The following LARGE1 variants were observed in gnomAD, a reference collection of about 807,000 sequenced individuals.
LARGE1 encodes LARGE xylosyl- and glucuronyltransferase 1.
Under a neutral mutation model 87.6 loss-of-function variants are expected in LARGE1, and 43 were observed. The observed-to-expected ratio is 0.49, with a 90% CI of 0.38 to 0.63. LARGE1 has a LOEUF of 0.63. LARGE1 is among the 30% of genes least tolerant of loss of function. The pLI, the probability that LARGE1 is intolerant of heterozygous loss-of-function variation, is 0.00. For missense variants in LARGE1, 802 were observed against 1,000.2 expected, an observed-to-expected ratio of 0.80 and a Z score of 2.67; for synonymous variants, 434 against 394.6, an observed-to-expected ratio of 1.10 and a Z score of -1.18.
At chr22:33,879,258 G>A (rs573129110) in intron 1 of LARGE1, among the ~76,000 whole-genome samples, 26 of 152,238 alleles carry the variant, frequency 1.7e-4, no homozygotes, top group African/African-American at 5.5e-4. Context: ...GAGCCACCAC[G>A]CCCAGTCTCT....
chr22:33,213,341 G>T (rs910708937), intron 11 of LARGE1, among the ~76,000 whole-genome samples: 1 of 152,146 alleles, frequency 6.6e-6, no homozygotes, highest in Non-Finnish European at 1.5e-5. Context: ...ATGACAACGA[G>T]GTATTTAGAA....
At chr22:33,384,337 A>G in intron 7 of LARGE1, 33 bp from the exon 8 acceptor site, 4 of 1,518,252 alleles carry the variant, frequency 2.6e-6, no homozygotes, top group Non-Finnish European at 3.7e-6. Context: ...AGAGAAAATT[A>G]AAAAATAAAA....
At chr22:33,502,195 TA>T (rs35022342) in intron 6 of LARGE1, among the ~76,000 whole-genome samples, 94,974 of 140,720 alleles carry the variant, frequency 0.67, 31,585 homozygotes, top group Non-Finnish European at 0.7. Context: ...GACCCCATCT[TA>T]AAAAAAAAAA....
the LARGE1 span, among the ~76,000 whole-genome samples, chr22:33,129,179 G>C: frequency 6.6e-6 from 1 of 152,260 alleles, no homozygotes; most frequent in East Asian, 1.9e-4. Flanking sequence ...TTCCATTTAT[G>C]TAACCTAAGA....
chr22:33,519,235 C>CGTGTGTGTGTGT (rs3071590), intron 6 of LARGE1, among the ~76,000 whole-genome samples: 2 of 149,646 alleles, frequency 1.3e-5, no homozygotes, highest in Admixed American at 6.7e-5. Context: ...CGTGCGCGCG[C>CGTGTGTGTGTGT]GTGTGTGTGT....
intron 6 of LARGE1, among the ~76,000 whole-genome samples, chr22:33,458,270 A>G (rs1447025785): frequency 6.6e-6 from 1 of 151,082 alleles, no homozygotes; most frequent in Non-Finnish European, 1.5e-5. Context: ...ACGCTCGGCT[A>G]ATTTTTTGTA....
At chr22:33,168,856 C>T (rs936979567) in intron 11 of LARGE1, among the ~76,000 whole-genome samples, 2 of 152,118 alleles carry the variant, frequency 1.3e-5, no homozygotes, top group African/African-American at 4.8e-5. Flanking sequence ...GACTGTTTTA[C>T]AAGAAGATAT....
chr22:33,603,413 T>C (rs958123474), intron 5 of LARGE1, among the ~76,000 whole-genome samples: 2 of 152,216 alleles, frequency 1.3e-5, no homozygotes, highest in African/African-American at 4.8e-5. Flanking sequence ...GTACCTACTA[T>C]GCACCAGAAA....
chr22:33,147,218 A>G, the LARGE1 span, among the ~76,000 whole-genome samples: 1 of 152,202 alleles, frequency 6.6e-6, no homozygotes, highest in South Asian at 2.1e-4. Flanking sequence ...TACATTATTG[A>G]TTATGCCTTT....
chr22:33,585,491 CCT>C (rs999436686), intron 5 of LARGE1, among the ~76,000 whole-genome samples: 10 of 152,090 alleles, frequency 6.6e-5, no homozygotes, highest in African/African-American at 2.4e-4. Flanking sequence ...GAGAAGATTC[CCT>C]GTTTGGTAAT....
At chr22:33,248,811 G>A (rs187667229) in intron 11 of LARGE1, among the ~76,000 whole-genome samples, 206 of 152,266 alleles carry the variant, frequency 1.4e-3, no homozygotes, top group Admixed American at 2.5e-3. Context: ...ACAGTGCACA[G>A]GCTTTTCAGA....
At chr22:33,528,324 C>T (rs1361365916) in intron 6 of LARGE1, among the ~76,000 whole-genome samples, 3 of 152,124 alleles carry the variant, frequency 2.0e-5, no homozygotes, top group African/African-American at 7.2e-5. Context: ...GAAACAGACA[C>T]TTCACCAGAG....
At chr22:33,798,729 T>C (rs368437313) in intron 1 of LARGE1, among the ~76,000 whole-genome samples, 36 of 152,300 alleles carry the variant, frequency 2.4e-4, no homozygotes, top group African/African-American at 7.9e-4. Context: ...TGGAAGAATA[T>C]GCACAAAGAA....
the LARGE1 span, among the ~76,000 whole-genome samples, chr22:33,120,274 C>A: frequency 6.6e-6 from 1 of 152,020 alleles, no homozygotes; most frequent in Non-Finnish European, 1.5e-5. Context: ...AAAAGTAAGT[C>A]TTTGGCTACC....
chr22:33,789,190 G>A (rs569461864), intron 1 of LARGE1, among the ~76,000 whole-genome samples: 26 of 152,304 alleles, frequency 1.7e-4, no homozygotes, highest in African/African-American at 5.3e-4. Flanking sequence ...TGTCCCAGCC[G>A]TGGCTAAAAG....
At chr22:33,168,600 C>T (rs968453482) in intron 11 of LARGE1, among the ~76,000 whole-genome samples, 3 of 152,208 alleles carry the variant, frequency 2.0e-5, no homozygotes, top group Admixed American at 6.5e-5. Flanking sequence ...ATGTTAGTTA[C>T]TGTTTAACAT....
intron 1 of LARGE1, among the ~76,000 whole-genome samples, chr22:33,887,895 A>T (rs1470273756): frequency 6.6e-6 from 1 of 152,240 alleles, no homozygotes; most frequent in Non-Finnish European, 1.5e-5. Flanking sequence ...CGCCAATACA[A>T]GTTTCAGTGA....
At chr22:33,324,276 AAAAAGCCAAAAACAAACAACCCCCCCCCC>A (rs1569056228) in intron 10 of LARGE1, among the ~76,000 whole-genome samples, 4,057 of 132,028 alleles carry the variant, frequency 0.031, 219 homozygotes, top group African/African-American at 0.11. Context: ...AAACAAAAAC[AAAAAGCCAAAAACAAACAACCCCCCCCCC>A]AAAACAAACA....
intron 4 of LARGE1, among the ~76,000 whole-genome samples, chr22:33,618,652 C>G (rs1043399972): frequency 2.6e-5 from 4 of 152,204 alleles, no homozygotes; most frequent in East Asian, 3.9e-4. Flanking sequence ...TGTATTGATT[C>G]TACACTTAAC....
Sources: allele counts gnomAD v4.1 joint callset (sites outside exome capture counted in the v4.1 genomes callset), GRCh38; gene constraint gnomAD v4.1.1; transcripts MANE v1.5; gene names NCBI Gene and HGNC (gene_info 2026-07-23, HGNC 2026-07-21).